Variants in ESR1 observed in about 807,000 individuals in gnomAD.
ESR1 encodes the protein estrogen receptor 1.
In ESR1, 12 loss-of-function variants were observed where a neutral mutation model predicts 52.7. The observed-to-expected ratio is 0.23, with a 90% CI of 0.15 to 0.37. ESR1 has a LOEUF of 0.37. Ranked by LOEUF, ESR1 falls within the 10% of genes least tolerant of loss-of-function variation. The pLI is 1.00. For missense variants in ESR1, 584 were observed against 779.7 expected (o/e 0.75, Z 2.99); for synonymous variants, 305 against 316.8 (o/e 0.96, Z 0.39).
intron 2 of ESR1, among the ~76,000 whole-genome samples, chr6:151,721,234 G>A (rs569989182): frequency 2.6e-5 from 4 of 152,278 alleles, no homozygotes; most frequent in South Asian, 2.1e-4. Flanking sequence ...TCAGGAAAGA[G>A]GCAACAAGAA....
At chr6:151,730,239 C>A (rs1160259329) in intron 2 of ESR1, among the ~76,000 whole-genome samples, 1 of 152,078 alleles carries the variant, frequency 6.6e-6, no homozygotes, top group South Asian at 2.1e-4. Flanking sequence ...GCCTTCGACC[C>A]CCCGGGGCTG....
chr6:151,980,056 G>A (rs564620209), intron 4 of ESR1, among the ~76,000 whole-genome samples: 7 of 152,124 alleles, frequency 4.6e-5, no homozygotes, highest in African/African-American at 1.2e-4. Context: ...CTTGCCTGAC[G>A]TTGAAAGATT....
intron 2 of ESR1, among the ~76,000 whole-genome samples, chr6:151,736,699 A>G (rs1388406524): frequency 6.6e-6 from 1 of 152,102 alleles, no homozygotes; most frequent in African/African-American, 2.4e-5. Context: ...TCTAAGGGGC[A>G]TGCTTCCATT....
chr6:151,730,706 T>A (rs2128039335), intron 2 of ESR1, among the ~76,000 whole-genome samples: 1 of 152,354 alleles, frequency 6.6e-6, no homozygotes, highest in South Asian at 2.1e-4. Flanking sequence ...ACTGAATGTC[T>A]TGACATCACT....
At chr6:151,914,911 G>T (rs1259521531) in intron 3 of ESR1, among the ~76,000 whole-genome samples, 1 of 152,114 alleles carries the variant, frequency 6.6e-6, no homozygotes, top group East Asian at 1.9e-4. Context: ...GATCATTTTT[G>T]ATAAATGTAC....
chr6:151,823,093 A>T (rs1780839827), intron 1 of ESR1, among the ~76,000 whole-genome samples: 1 of 152,258 alleles, frequency 6.6e-6, no homozygotes, highest in African/African-American at 2.4e-5. Flanking sequence ...AGCATGTCCC[A>T]TGCAATATTA....
At chr6:151,790,266 G>A (rs1787404312) in intron 2 of ESR1, among the ~76,000 whole-genome samples, 1 of 152,200 alleles carries the variant, frequency 6.6e-6, no homozygotes, top group South Asian at 2.1e-4. Flanking sequence ...AACTTTGGGT[G>A]CACAGCCCCA....
chr6:151,971,279 G>C (rs1204231791), intron 4 of ESR1, among the ~76,000 whole-genome samples: 2 of 151,988 alleles, frequency 1.3e-5, no homozygotes, highest in Non-Finnish European at 2.9e-5. Context: ...CTGAGATTTT[G>C]GTGCATCCAT....
chr6:151,929,304 C>G (rs1195359909), intron 3 of ESR1, among the ~76,000 whole-genome samples: 1 of 152,042 alleles, frequency 6.6e-6, no homozygotes, highest in African/African-American at 2.4e-5. Flanking sequence ...AACAACTGAC[C>G]CCTTTATCAT....
At chr6:151,973,034 C>T (rs1178816917) in intron 4 of ESR1, among the ~76,000 whole-genome samples, 1 of 152,140 alleles carries the variant, frequency 6.6e-6, no homozygotes, top group Non-Finnish European at 1.5e-5. Context: ...TTAGATGGTG[C>T]CCACCCAGAT....
chr6:151,958,130 G>T (rs1412156648), intron 4 of ESR1, among the ~76,000 whole-genome samples: 1 of 152,228 alleles, frequency 6.6e-6, no homozygotes, highest in African/African-American at 2.4e-5. Flanking sequence ...TTAATAAAAA[G>T]AGTTGAATGG....
chr6:152,056,701 G>A (rs1019512597), intron 5 of ESR1, among the ~76,000 whole-genome samples: 2 of 152,166 alleles, frequency 1.3e-5, no homozygotes, highest in Non-Finnish European at 2.9e-5. Flanking sequence ...AGCAGAACAA[G>A]GCTCCCCACA....
chr6:151,992,601 C>A (rs957870754), intron 4 of ESR1, among the ~76,000 whole-genome samples: 7 of 152,214 alleles, frequency 4.6e-5, no homozygotes, highest in Non-Finnish European at 1.0e-4. Context: ...AAGACACTTT[C>A]TTGAGGACAG....
chr6:151,722,918 T>C (rs1350916157), intron 2 of ESR1, among the ~76,000 whole-genome samples: 1 of 152,174 alleles, frequency 6.6e-6, no homozygotes, highest in East Asian at 1.9e-4. Context: ...AAGATATTGT[T>C]TTGTATCCCC....
chr6:151,923,522 T>C (rs1281318208), intron 3 of ESR1, among the ~76,000 whole-genome samples: 13 of 152,140 alleles, frequency 8.5e-5, no homozygotes, highest in Admixed American at 8.5e-4. Flanking sequence ...CAACCCCTGG[T>C]CTGTTTAATA....
intron 1 of ESR1, among the ~76,000 whole-genome samples, chr6:151,831,151 T>C (rs961521270): frequency 4.6e-5 from 7 of 151,562 alleles, no homozygotes; most frequent in Non-Finnish European, 5.9e-5. Context: ...CTTTTCTTTT[T>C]TTTTTTTTTG....
chr6:152,097,368 C>G (rs1464326935), intron 7 of ESR1, among the ~76,000 whole-genome samples: 1 of 151,166 alleles, frequency 6.6e-6, no homozygotes, highest in African/African-American at 2.4e-5. Context: ...GTGGCAGATC[C>G]AGGGGGCATT....
At chr6:152,065,540 T>C (rs2047899129) in intron 6 of ESR1, among the ~76,000 whole-genome samples, 1 of 152,216 alleles carries the variant, frequency 6.6e-6, no homozygotes, top group Non-Finnish European at 1.5e-5. Context: ...TTTCTACCTC[T>C]TTTCTAAACC....
chr6:151,896,978 T>A (rs1308774252), intron 3 of ESR1, among the ~76,000 whole-genome samples: 1 of 152,230 alleles, frequency 6.6e-6, no homozygotes, highest in Non-Finnish European at 1.5e-5. Context: ...CTTCCATGTA[T>A]TTGCATGTTT....
Sources: allele counts gnomAD v4.1 joint callset (sites outside exome capture counted in the v4.1 genomes callset), GRCh38; gene constraint gnomAD v4.1.1; transcripts MANE v1.5; gene names NCBI Gene and HGNC (gene_info 2026-07-23, HGNC 2026-07-21).